Variants in DRGX observed in about 807,000 individuals in gnomAD.
DRGX encodes dorsal root ganglia homeobox.
In DRGX, 21 loss-of-function variants were observed where a neutral mutation model predicts 28.6. That is an observed-to-expected ratio of 0.73 (90% CI 0.52 to 1.06). The LOEUF (loss-of-function observed/expected upper bound fraction) is 1.06. Among genes scored for constraint, DRGX ranks in the 50% least tolerant of loss-of-function variants. DRGX has a pLI of 0.00. For synonymous variants in DRGX, 136 were observed against 139.1 expected (o/e 0.98, Z 0.16); for missense variants, 354 against 343.9 (o/e 1.03, Z -0.23).
Position 49,386,697 on chromosome 10 carries a change from C to T in DRGX, c.396G>A (p.Ala132=), listed in dbSNP as rs201182244. The part of the protein sequence containing the change: ...PGDQARSKKE[A]LEAQQSLGRT... ...AGCCTCACCTCTGCTGGGCCTCCAG[C>T]GCCTCCTTCTTACTCCGGGCTTGGT... Residue 132 remains alanine, a synonymous_variant, in exon 5 of 7, where the codon GCG becomes GCA. Transcript: ENST00000374139. 80 of 1,581,034 alleles carry T rather than the reference C, an allele frequency of 5.1e-5. No individual in the cohort carries two copies. Among genetic ancestry groups the T allele is most frequent in the African/African-American group, 5.0e-4 (37 of 73,734 alleles).
In DRGX at chr10:49,365,064, C is replaced by T. The variant is rs1849583785; in HGVS notation, c.*1052G>A. On this transcript the variant is annotated 3_prime_UTR_variant, in exon 7 of 7. Coordinates refer to ENST00000374139, the MANE Select transcript of DRGX (RefSeq NM_001276451.2). Reference sequence around the variant, plus strand: ...AATTTGGCCCTTTGGAATTAATGCTCTCCACACCATGAGAAAGCTGTCTTC... The same window carrying T: ...AATTTGGCCCTTTGGAATTAATGCTTTCCACACCATGAGAAAGCTGTCTTC... The T allele has an allele frequency of 6.6e-6, 1 of 152,262 alleles. No homozygotes were observed. Among genetic ancestry groups the T allele is most frequent in the Admixed American group, 6.5e-5 (1 of 15,286 alleles). The allele number at this position is 152,262 out of a possible 1,614,324, so 9.4% of individuals were successfully genotyped here.
intron 6 of DRGX, among the ~76,000 whole-genome samples, chr10:49,373,947 A>C (rs1225772309): frequency 6.6e-6 from 1 of 152,188 alleles, no homozygotes; most frequent in African/African-American, 2.4e-5. Flanking sequence ...CTTAATTTAA[A>C]CTTCTTAATT....
intron 6 of DRGX, among the ~76,000 whole-genome samples, chr10:49,378,096 T>C (rs202017390): frequency 6.6e-6 from 1 of 152,014 alleles, no homozygotes; most frequent in African/African-American, 2.4e-5. Flanking sequence ...TACTAGTATA[T>C]TGAGAAAGAA....
intron 2 of DRGX, among the ~76,000 whole-genome samples, chr10:49,394,729 C>A (rs1849946717): frequency 6.6e-6 from 1 of 152,214 alleles, no homozygotes; most frequent in Non-Finnish European, 1.5e-5. Context: ...GGGGAAATTT[C>A]TTCTCAGGCC....
At chr10:49,395,559 C>T in intron 1 of DRGX, 38 bp from the exon 2 acceptor site, 1 of 1,264,970 alleles carries the variant, frequency 7.9e-7, no homozygotes, top group Non-Finnish European at 1.1e-6. Context: ...AAGTCTCCCT[C>T]TGCCAGCGCT....
intron 4 of DRGX, among the ~76,000 whole-genome samples, chr10:49,389,310 G>A (rs1248791709): frequency 6.6e-6 from 1 of 152,034 alleles, no homozygotes; most frequent in African/African-American, 2.4e-5. Flanking sequence ...CAGGGGAACC[G>A]AAAGCAAACT....
chr10:49,385,585 G>T (rs1849823411), intron 6 of DRGX, among the ~76,000 whole-genome samples: 1 of 152,308 alleles, frequency 6.6e-6, no homozygotes, highest in African/African-American at 2.4e-5. Flanking sequence ...GTGTGTGTGT[G>T]TGTGTATGTG....
intron 6 of DRGX, among the ~76,000 whole-genome samples, chr10:49,368,048 C>G (rs1849617695): frequency 6.6e-6 from 1 of 152,188 alleles, no homozygotes; most frequent in African/African-American, 2.4e-5. Context: ...ACCTTCTGCT[C>G]CCCTCAAGCA....
intron 6 of DRGX, among the ~76,000 whole-genome samples, chr10:49,368,728 G>A (rs1202742154): frequency 6.6e-6 from 1 of 152,268 alleles, no homozygotes; most frequent in Non-Finnish European, 1.5e-5. Flanking sequence ...CCCCCTTGGA[G>A]AGGGTATGCT....
intron 6 of DRGX, among the ~76,000 whole-genome samples, chr10:49,382,471 G>A (rs1247094487): frequency 6.6e-6 from 1 of 152,202 alleles, no homozygotes. Flanking sequence ...CTACCTCTGG[G>A]GATGCAGGAA....
chr10:49,367,872 G>A (rs375721593), intron 6 of DRGX, among the ~76,000 whole-genome samples: 4 of 152,172 alleles, frequency 2.6e-5, no homozygotes, highest in Admixed American at 1.3e-4. Flanking sequence ...GGCAGTAATC[G>A]TGAGACAAAT....
At chr10:49,389,625 T>A (rs1375574188) in intron 4 of DRGX, among the ~76,000 whole-genome samples, 1 of 152,194 alleles carries the variant, frequency 6.6e-6, no homozygotes, top group Admixed American at 6.5e-5. Context: ...TCACTACTGC[T>A]GTTTAAAGAT....
rs1016405541 is a variant in DRGX at position 49,391,061 on chromosome 10, T to A, written c.132+103A>T. 1.8e-5 allele frequency: 22 copies of A among 1,251,386 alleles called. No homozygotes were observed. The African/African-American group carries it at 3.3e-4, about 19-fold the overall frequency. 77.5% of individuals were successfully genotyped at this position (1,251,386 alleles called of 1,614,324 possible). A position where few individuals can be genotyped will look rare whatever the true frequency, so the allele number is the denominator to read the frequency against. On this transcript the variant is annotated intron_variant, in intron 3 of 6. Coordinates refer to ENST00000374139, the MANE Select transcript of DRGX (RefSeq NM_001276451.2). ...AGAAAACAGAAAGATTCAGTTAGCATAATCAATTGGTCTTATTTTAAAAGA... is the reference window on the plus strand; with the variant it reads ...AGAAAACAGAAAGATTCAGTTAGCAAAATCAATTGGTCTTATTTTAAAAGA...
intron 6 of DRGX, among the ~76,000 whole-genome samples, chr10:49,379,189 T>A (rs1017679814): frequency 6.6e-6 from 1 of 152,206 alleles, no homozygotes; most frequent in African/African-American, 2.4e-5. Context: ...GTACAGTGTT[T>A]CAGAATGCCT....
chr10:49,370,363 C>A (rs1849645544), intron 6 of DRGX, among the ~76,000 whole-genome samples: 1 of 152,178 alleles, frequency 6.6e-6, no homozygotes, highest in African/African-American at 2.4e-5. Context: ...CAAGATCGTG[C>A]CACTGCACTC....
intron 4 of DRGX, 54 bp downstream of exon 4, chr10:49,390,079 A>C: frequency 6.6e-7 from 1 of 1,526,650 alleles, no homozygotes; most frequent in South Asian, 1.3e-5. Context: ...GATGTCAAAA[A>C]AAAGTTTGCC....
Position 49,395,411 on chromosome 10 carries a change from T to C in DRGX, c.30A>G (p.Leu10=), listed in dbSNP as rs1209344421. Residue 10 remains leucine (L), a synonymous_variant, in exon 2 of 7, where the codon CTA becomes CTG. Coordinates refer to ENST00000374139, the MANE Select transcript of DRGX (RefSeq NM_001276451.2). MFYFHCPPQ[L]EGTATFGNHS... ...TGGGGCGCAGCGCTTACTTACCCTC[T>C]AGCTGTGGCGGGCAGTGGAAATAAA... The C allele has an allele frequency of 6.5e-7, 1 of 1,550,228 alleles. No individual in the cohort carries two copies.
At chr10:49,371,139 A>G (rs1379377088) in intron 6 of DRGX, among the ~76,000 whole-genome samples, 1 of 152,204 alleles carries the variant, frequency 6.6e-6, no homozygotes, top group Non-Finnish European at 1.5e-5. Context: ...AATTATTTCC[A>G]CAAGCAGGAT....
At chr10:49,378,780 G>T (rs1849742327) in intron 6 of DRGX, among the ~76,000 whole-genome samples, 1 of 152,038 alleles carries the variant, frequency 6.6e-6, no homozygotes, top group Admixed American at 6.5e-5. Context: ...AAACCTAATT[G>T]CAACAAATCT....
Sources: gnomAD v4.1 joint callset for allele counts (sites outside exome capture counted in the v4.1 genomes callset) on GRCh38, gnomAD v4.1.1 for gene constraint, MANE v1.5 for transcripts, NCBI Gene and HGNC (gene_info 2026-07-23, HGNC 2026-07-21) for gene names.